Variants in MALRD1 observed in about 807,000 individuals in gnomAD.
MALRD1 encodes MAM and LDL receptor class A domain containing 1, also known as MAM and LDL-receptor class A domain-containing protein 1.
MALRD1 carries 247 observed loss-of-function variants against 242.1 expected under a neutral mutation model. The ratio of observed to expected loss-of-function variants is 1.02; its 90% CI spans 0.92 to 1.13. The LOEUF (loss-of-function observed/expected upper bound fraction) is 1.13. Among genes scored for constraint, MALRD1 ranks in the 50% most tolerant of loss-of-function variants. The probability of loss-of-function intolerance (pLI) is 0.00; values close to 1 mark genes in which losing one functional copy is unlikely to be tolerated. For synonymous variants in MALRD1, 995 were observed against 866.6 expected, an observed-to-expected ratio of 1.15 and a Z score of -2.60; for missense variants, 2,989 against 2,533.1, an observed-to-expected ratio of 1.18 and a Z score of -3.86.
At chr10:19,341,527 T>TAC (rs1420340891) in intron 24 of MALRD1, among the ~76,000 whole-genome samples, 24 of 145,060 alleles carry the variant, frequency 1.7e-4, no homozygotes, top group Admixed American at 1.0e-3. Flanking sequence ...TATATATGTA[T>TAC]ATATATACAC....
chr10:19,142,042 G>C (rs903898257), intron 10 of MALRD1, among the ~76,000 whole-genome samples: 2 of 151,672 alleles, frequency 1.3e-5, no homozygotes, highest in African/African-American at 4.8e-5. Context: ...CGTTGTGGTG[G>C]GCGCCTGTAG....
At chr10:19,151,500 T>C (rs1353835082) in intron 11 of MALRD1, among the ~76,000 whole-genome samples, 1 of 152,154 alleles carries the variant, frequency 6.6e-6, no homozygotes, top group Non-Finnish European at 1.5e-5. Context: ...TCCTTTTTTC[T>C]AAATATTAAC....
At chr10:19,464,764 A>C (rs1335408564) in intron 29 of MALRD1, among the ~76,000 whole-genome samples, 1 of 152,096 alleles carries the variant, frequency 6.6e-6, no homozygotes, top group Admixed American at 6.5e-5. Flanking sequence ...TGGTATTTTC[A>C]TGGGAACTAC....
intron 29 of MALRD1, chr10:19,489,055 C>T (rs569354999): frequency 2.0e-5 from 9 of 458,024 alleles, no homozygotes; most frequent in Admixed American, 1.4e-4. Flanking sequence ...GGTGGAGGGG[C>T]GGCAGCGCCA....
intron 14 of MALRD1, among the ~76,000 whole-genome samples, chr10:19,178,679 G>T (rs1476279385): frequency 6.6e-6 from 1 of 152,140 alleles, no homozygotes; most frequent in Non-Finnish European, 1.5e-5. Flanking sequence ...TTTGCATTCT[G>T]TTTATTTGTT....
intron 33 of MALRD1, among the ~76,000 whole-genome samples, chr10:19,589,870 A>T (rs1837669005): frequency 6.6e-6 from 1 of 152,058 alleles, no homozygotes; most frequent in African/African-American, 2.4e-5. Flanking sequence ...TTCCTGATCT[A>T]AGTTTTATTT....
At chr10:19,290,801 C>A (rs1841381156) in intron 21 of MALRD1, among the ~76,000 whole-genome samples, 1 of 151,986 alleles carries the variant, frequency 6.6e-6, no homozygotes. Flanking sequence ...AGAATCTGAG[C>A]CTTATAGTTC....
intron 31 of MALRD1, among the ~76,000 whole-genome samples, chr10:19,501,520 A>G (rs1039483416): frequency 6.6e-6 from 1 of 152,240 alleles, no homozygotes. Flanking sequence ...GAAGGAGTAA[A>G]GCAATATGCA....
At chr10:19,468,689 G>A (rs1564368515) in intron 29 of MALRD1, among the ~76,000 whole-genome samples, 1 of 151,680 alleles carries the variant, frequency 6.6e-6, no homozygotes, top group East Asian at 1.9e-4. Flanking sequence ...AGGTTAGCTG[G>A]GGGCCCTACA....
At chr10:19,391,848 C>T (rs1846349849) in intron 28 of MALRD1, among the ~76,000 whole-genome samples, 1 of 152,190 alleles carries the variant, frequency 6.6e-6, no homozygotes, top group African/African-American at 2.4e-5. Flanking sequence ...GTGTCACTCT[C>T]AGATCTTCAG....
chr10:19,470,150 C>T (rs528319531), intron 29 of MALRD1, among the ~76,000 whole-genome samples: 4 of 152,086 alleles, frequency 2.6e-5, no homozygotes, highest in East Asian at 1.9e-4. Context: ...TTCTATGCTT[C>T]TGTGAATCTA....
rs1184805093 is a variant in MALRD1, at chr10:19,387,596, T to C, written c.4510T>C (p.Phe1504Leu). The C allele has an allele frequency of 3.9e-6, 6 of 1,550,444 alleles. No homozygotes were observed. Among genetic ancestry groups the C allele is most frequent in the Non-Finnish European group, 5.2e-6 (6 of 1,146,882 alleles). Residue 1504 changes from phenylalanine (F) to leucine (L), a missense_variant, in exon 27 of 40, where the codon TTC becomes CTC. Coordinates refer to ENST00000454679, the MANE Select transcript of MALRD1 (RefSeq NM_001142308.3). The part of the protein sequence containing the change: ...KCYRLEQSCN[F>L]VDNCGDNTDE... ...CTATAGGCTGGAACAAAGCTGTAAC[T>C]TCGTAGATAACTGTGGAGATAATAC...
intron 34 of MALRD1, among the ~76,000 whole-genome samples, chr10:19,599,868 A>G (rs1169200949): frequency 6.6e-6 from 1 of 152,120 alleles, no homozygotes; most frequent in Non-Finnish European, 1.5e-5. Context: ...CTCTGTATTA[A>G]TCTGCTGGTG....
rs181707679 is a variant in MALRD1, at chr10:19,072,314, G to A, written c.340+5455G>A. On this transcript the variant is annotated intron_variant, in intron 2 of 39. Coordinates refer to ENST00000454679, the MANE Select transcript of MALRD1 (RefSeq NM_001142308.3). Reference sequence around the variant, plus strand: ...CATGTCCCAAAAACTCAACTCTGCCGTCTACACTATAAAAACAGTCATATA... The same window carrying A: ...CATGTCCCAAAAACTCAACTCTGCCATCTACACTATAAAAACAGTCATATA... Among the ~76,000 whole-genome samples, 103 of 151,958 alleles carry A rather than the reference G, an allele frequency of 6.8e-4. 4 individuals are homozygous for A. The East Asian group carries it at 0.016, about 23-fold the overall frequency.
In MALRD1 at chr10:19,163,137, T is replaced by TGAAAAA. The variant is rs1491309752; in HGVS notation, c.1657-2500_1657-2499insGAAAAA. Among the ~76,000 whole-genome samples, 133 of 43,852 alleles carry TGAAAAA rather than the reference T, an allele frequency of 3.0e-3. 22 individuals are homozygous for TGAAAAA. Among genetic ancestry groups the TGAAAAA allele is most frequent in the East Asian group, 5.9e-3 (6 of 1,010 alleles). The allele number at this position is 43,852 out of a possible 152,430, so 28.8% of individuals were successfully genotyped here. A position where few individuals can be genotyped will look rare whatever the true frequency, so the allele number is the denominator to read the frequency against. On this transcript the variant is annotated intron_variant, in intron 12 of 39. Coordinates refer to ENST00000454679, the MANE Select transcript of MALRD1 (RefSeq NM_001142308.3). ...TGAACAACTGGAGTGAAACCCTGTC[T>TGAAAAA]AAAAAAAAAAAAAAAAAAAAAAAAA... is the stretch of plus-strand genomic sequence containing the variant.
chr10:19,436,015 C>A (rs1053949340), intron 28 of MALRD1, among the ~76,000 whole-genome samples: 1 of 152,098 alleles, frequency 6.6e-6, no homozygotes, highest in Non-Finnish European at 1.5e-5. Context: ...GTTGTTCCAG[C>A]TTTGGGCACA....
chr10:19,354,040 T>G (rs940517798), intron 26 of MALRD1, among the ~76,000 whole-genome samples: 6 of 147,998 alleles, frequency 4.1e-5, no homozygotes, highest in African/African-American at 7.4e-5. Flanking sequence ...GAAGCAACAT[T>G]AAAAAAAAAA....
intron 26 of MALRD1, among the ~76,000 whole-genome samples, chr10:19,372,256 G>A (rs1219877908): frequency 6.6e-6 from 1 of 152,004 alleles, no homozygotes; most frequent in Non-Finnish European, 1.5e-5. Flanking sequence ...GATTGTTGAG[G>A]GGAGAATACA....
chr10:19,467,412 A>AAAAAAT (rs1836274934), intron 29 of MALRD1, among the ~76,000 whole-genome samples: 1 of 141,500 alleles, frequency 7.1e-6, no homozygotes, highest in Non-Finnish European at 1.6e-5. Context: ...AAAAAAAAAA[A>AAAAAAT]GAAAAAGACC....
Sources: allele counts gnomAD v4.1 joint callset (sites outside exome capture counted in the v4.1 genomes callset), GRCh38; gene constraint gnomAD v4.1.1; transcripts MANE v1.5; gene names NCBI Gene and HGNC (gene_info 2026-07-23, HGNC 2026-07-21).